Variants in GALNT14 observed in about 807,000 individuals in gnomAD.
GALNT14 encodes UDP-GalNAc:polypeptide N-acetylgalactosaminyltransferase 14.
In GALNT14, 60 loss-of-function variants were observed where a neutral mutation model predicts 77.5. The observed-to-expected ratio is 0.77, with a 90% confidence interval of 0.63 to 0.96. The LOEUF is 0.96. GALNT14 is among the 40% of genes least tolerant of loss of function. The probability of loss-of-function intolerance (pLI) is 0.00; values close to 1 mark genes in which losing one functional copy is unlikely to be tolerated. For missense variants in GALNT14, 710 were observed against 731.0 expected (o/e 0.97, Z 0.33); for synonymous variants, 280 against 281.7 (o/e 0.99, Z 0.06).
the GALNT14 span, among the ~76,000 whole-genome samples, chr2:30,898,385 T>A: frequency 1.3e-5 from 2 of 152,232 alleles, no homozygotes; most frequent in East Asian, 1.9e-4. Flanking sequence ...ACCTGATGTT[T>A]AATCCTCACG....
At chr2:30,966,998 GC>G (rs1458753962) in intron 2 of GALNT14, among the ~76,000 whole-genome samples, 2 of 152,128 alleles carry the variant, frequency 1.3e-5, no homozygotes, top group Non-Finnish European at 2.9e-5. Flanking sequence ...AAATAAACCC[GC>G]CAAGTGAGGC....
At chr2:31,135,273 C>T (rs1321148705) in intron 1 of GALNT14, among the ~76,000 whole-genome samples, 1 of 152,098 alleles carries the variant, frequency 6.6e-6, no homozygotes. Context: ...TGTAGTAAGC[C>T]CAAAAATCTG....
intron 1 of GALNT14, among the ~76,000 whole-genome samples, chr2:31,073,788 G>A (rs1467628377): frequency 1.3e-5 from 2 of 152,146 alleles, no homozygotes; most frequent in Non-Finnish European, 2.9e-5. Flanking sequence ...AGTTTGACTT[G>A]GATTCACATT....
intron 2 of GALNT14, among the ~76,000 whole-genome samples, chr2:30,971,590 G>C (rs1402004661): frequency 6.6e-6 from 1 of 152,072 alleles, no homozygotes; most frequent in Non-Finnish European, 1.5e-5. Flanking sequence ...ACTTGAACTG[G>C]GGCTCCAAGG....
At chr2:31,061,998 T>G (rs1674622864) in intron 1 of GALNT14, among the ~76,000 whole-genome samples, 1 of 152,224 alleles carries the variant, frequency 6.6e-6, no homozygotes. Context: ...CTAAAACAGT[T>G]TCAATAAATT....
At chr2:31,074,522 G>A (rs1423273183) in intron 1 of GALNT14, among the ~76,000 whole-genome samples, 1 of 152,094 alleles carries the variant, frequency 6.6e-6, no homozygotes, top group Non-Finnish European at 1.5e-5. Context: ...CACTCATGCT[G>A]TCTGTGGGCA....
rs79513505 is a variant in GALNT14 at position 31,069,626 on chromosome 2, G to A, written c.129+68332C>T. ...GCCTTCCCTTTTAACCCTGACCCCA[G>A]GAGCCTTCATTTATGGCAACTCAGG... On this transcript the variant is annotated intron_variant, in intron 1 of 14. Transcript: ENST00000349752. Among the ~76,000 whole-genome samples, 12 of 152,274 alleles carry A rather than the reference G, an allele frequency of 7.9e-5. No individual in the cohort carries two copies. The East Asian group carries it at 1.7e-3, about 22-fold the overall frequency.
chr2:30,963,020 T>C (rs1179359246), intron 3 of GALNT14, among the ~76,000 whole-genome samples: 1 of 152,150 alleles, frequency 6.6e-6, no homozygotes, highest in Non-Finnish European at 1.5e-5. Context: ...TGATATAAGC[T>C]CCTGGTTGTC....
intron 1 of GALNT14, among the ~76,000 whole-genome samples, chr2:31,028,960 G>A (rs926467891): frequency 2.0e-5 from 3 of 152,108 alleles, no homozygotes; most frequent in Non-Finnish European, 4.4e-5. Flanking sequence ...CTAGAATGAA[G>A]AATGAGGGCT....
Position 30,914,102 on chromosome 2 carries a change from C to T in GALNT14, c.1381-1760G>A, listed in dbSNP as rs151120153. On this transcript the variant is annotated intron_variant, in intron 13 of 14. Transcript: ENST00000349752. ...CTAATAAGAGCTGACATTTATTGAG[C>T]GCTTATGATGTGCCCAGCATTATCC... is the stretch of plus-strand genomic sequence containing the variant. 2.6e-3 allele frequency among the ~76,000 whole-genome samples: 389 copies of T among 152,286 alleles called. 1 individual carries two copies. Among genetic ancestry groups the T allele is most frequent in the African/African-American group, 7.3e-3 (305 of 41,558 alleles).
chr2:30,982,287 TTGA>T (rs1669035716), intron 2 of GALNT14, among the ~76,000 whole-genome samples: 1 of 152,144 alleles, frequency 6.6e-6, no homozygotes, highest in Non-Finnish European at 1.5e-5. Flanking sequence ...CATTAAATAT[TTGA>T]TGATATCTAC....
At chr2:30,897,534 C>T in the GALNT14 span, among the ~76,000 whole-genome samples, 139 of 152,254 alleles carry the variant, frequency 9.1e-4, 1 homozygote, top group African/African-American at 3.2e-3. Context: ...CTGGAGCTGG[C>T]GATATTCCCT....
intron 1 of GALNT14, among the ~76,000 whole-genome samples, chr2:31,101,468 T>C (rs1677270783): frequency 6.6e-6 from 1 of 152,086 alleles, no homozygotes; most frequent in Non-Finnish European, 1.5e-5. Flanking sequence ...CTTTGAAGAA[T>C]GTATACCTAT....
intron 1 of GALNT14, among the ~76,000 whole-genome samples, chr2:31,100,163 C>T (rs910629456): frequency 2.0e-5 from 3 of 151,956 alleles, no homozygotes; most frequent in South Asian, 4.2e-4. Flanking sequence ...ACGGTAAGTC[C>T]TCACTTAACA....
chr2:30,913,311 G>A (rs948854747), intron 13 of GALNT14, among the ~76,000 whole-genome samples: 1 of 152,156 alleles, frequency 6.6e-6, no homozygotes, highest in African/African-American at 2.4e-5. Context: ...TTTGAGGGCT[G>A]TATCTGTTTC....
At chr2:31,048,519 T>C (rs1329739469) in intron 1 of GALNT14, among the ~76,000 whole-genome samples, 1 of 152,110 alleles carries the variant, frequency 6.6e-6, no homozygotes, top group Non-Finnish European at 1.5e-5. Context: ...GCTAAAGTGC[T>C]GAATGGATAG....
chr2:31,027,717 G>A (rs2148473015), intron 1 of GALNT14, among the ~76,000 whole-genome samples: 1 of 152,266 alleles, frequency 6.6e-6, no homozygotes, highest in East Asian at 1.9e-4. Flanking sequence ...CACAATTTAT[G>A]TCCCCACCCT....
the GALNT14 span, among the ~76,000 whole-genome samples, chr2:30,898,215 G>A: frequency 6.6e-6 from 1 of 152,236 alleles, no homozygotes; most frequent in Non-Finnish European, 1.5e-5. Flanking sequence ...GACACTGAAT[G>A]TGTAGGGACC....
chr2:31,006,179 A>G (rs1162814686), intron 1 of GALNT14, among the ~76,000 whole-genome samples: 1 of 152,150 alleles, frequency 6.6e-6, no homozygotes, highest in Non-Finnish European at 1.5e-5. Context: ...TGTGTTTAGC[A>G]TGGTTTGCAG....
Sources: gnomAD v4.1 joint callset for allele counts (sites outside exome capture counted in the v4.1 genomes callset) on GRCh38, gnomAD v4.1.1 for gene constraint, MANE v1.5 for transcripts, NCBI Gene and HGNC (gene_info 2026-07-23, HGNC 2026-07-21) for gene names.